The following RNF214 variants were observed in gnomAD, a reference collection of about 807,000 sequenced individuals.
RNF214 encodes the protein ring finger protein 214.
Under a neutral mutation model 75.9 loss-of-function variants are expected in RNF214, and 25 were observed. The ratio of observed to expected loss-of-function variants is 0.33; its 90% confidence interval spans 0.24 to 0.46. The LOEUF (loss-of-function observed/expected upper bound fraction) is 0.46. Among genes scored for constraint, RNF214 ranks in the 20% least tolerant of loss-of-function variants. The probability of loss-of-function intolerance (pLI) is 1.00; values close to 1 mark genes in which losing one functional copy is unlikely to be tolerated. For missense variants in RNF214, 725 were observed against 857.5 expected (o/e 0.85, Z 1.93); for synonymous variants, 314 against 308.8 (o/e 1.02, Z -0.18).
intron 6 of RNF214, among the ~76,000 whole-genome samples, chr11:117,257,104 A>G (rs1352522103): frequency 6.6e-6 from 1 of 152,166 alleles, no homozygotes; most frequent in Non-Finnish European, 1.5e-5. Flanking sequence ...TGGGAGGCCA[A>G]AGTAGGAGGA....
chr11:117,251,234 G>T (rs1426430220), intron 6 of RNF214, among the ~76,000 whole-genome samples: 4 of 36,044 alleles, frequency 1.1e-4, no homozygotes, highest in African/African-American at 2.1e-4. Flanking sequence ...GCGGCTGGCC[G>T]GGCGGGGGGC....
At chr11:117,276,358 C>G (rs1045178001) in intron 6 of RNF214, among the ~76,000 whole-genome samples, 3 of 152,126 alleles carry the variant, frequency 2.0e-5, no homozygotes, top group African/African-American at 7.2e-5. Context: ...GCTTGTAATC[C>G]CAGAGCTTTG....
chr11:117,238,528 G>A, intron 2 of RNF214, 73 bp from the exon 3 acceptor site: 1 of 1,320,248 alleles, frequency 7.6e-7, no homozygotes, highest in East Asian at 2.3e-5. Flanking sequence ...GGTTTACGTA[G>A]TCTAGTTTTG....
chr11:117,250,597 A>T (rs1036039950), intron 6 of RNF214, among the ~76,000 whole-genome samples: 8 of 59,216 alleles, frequency 1.4e-4, no homozygotes, highest in Non-Finnish European at 1.9e-4. Context: ...ATTTTTATTT[A>T]TTTATTTATT....
chr11:117,271,741 T>C (rs1358131331), intron 6 of RNF214, among the ~76,000 whole-genome samples: 1 of 152,236 alleles, frequency 6.6e-6, no homozygotes, highest in Non-Finnish European at 1.5e-5. Context: ...CATTAATTCC[T>C]TGTGAAGGGT....
chr11:117,253,474 G>A (rs564151315), intron 6 of RNF214, among the ~76,000 whole-genome samples: 90 of 152,232 alleles, frequency 5.9e-4, no homozygotes, highest in Non-Finnish European at 1.0e-3. Flanking sequence ...GTTATTGCTG[G>A]CATTAGAAAG....
At chr11:117,266,579 C>G (rs1010107714) in intron 6 of RNF214, among the ~76,000 whole-genome samples, 3 of 152,046 alleles carry the variant, frequency 2.0e-5, no homozygotes, top group African/African-American at 4.8e-5. Flanking sequence ...AGGCTGGTCT[C>G]GAATTCCTGG....
intron 1 of RNF214, among the ~76,000 whole-genome samples, 199 bp from the exon 2 acceptor site, chr11:117,234,068 G>A (rs2032827465): frequency 6.6e-6 from 1 of 152,170 alleles, no homozygotes; most frequent in Non-Finnish European, 1.5e-5. Context: ...AGTGACTCCT[G>A]AGGATTGCTG....
Position 117,279,899 on chromosome 11 carries a change from A to G in RNF214, c.960-9A>G, listed in dbSNP as rs942575539. 5.0e-6 allele frequency: 8 copies of G among 1,594,168 alleles called. No individual in the cohort carries two copies. Among genetic ancestry groups the G allele is most frequent in the African/African-American group, 1.3e-5 (1 of 74,350 alleles). On this transcript the variant is annotated splice_polypyrimidine_tract_variant and intron_variant, in intron 6 of 14. Coordinates refer to ENST00000300650, the MANE Select transcript of RNF214 (RefSeq NM_207343.4). Reference sequence around the variant, plus strand: ...TCCTTAGTCTTGTTCTTGGTTTCTTATCTTACAGAGAGGTGTGGGAAATGG... The same window carrying G: ...TCCTTAGTCTTGTTCTTGGTTTCTTGTCTTACAGAGAGGTGTGGGAAATGG...
intron 6 of RNF214, among the ~76,000 whole-genome samples, chr11:117,276,919 T>C (rs941814999): frequency 5.3e-5 from 8 of 152,366 alleles, no homozygotes; most frequent in East Asian, 1.9e-4. Flanking sequence ...CTAGATGGAT[T>C]GACTCTGTAA....
At chr11:117,251,633 AG>A (rs1324990353) in intron 6 of RNF214, among the ~76,000 whole-genome samples, 2 of 152,248 alleles carry the variant, frequency 1.3e-5, no homozygotes. Flanking sequence ...AGCAGGGGTC[AG>A]GGTAGGTATA....
intron 6 of RNF214, among the ~76,000 whole-genome samples, chr11:117,250,391 ATGT>A (rs963074559): frequency 4.6e-5 from 7 of 152,206 alleles, no homozygotes; most frequent in African/African-American, 1.2e-4. Context: ...GTATAAACCC[ATGT>A]TGTTGAAAAA....
At chr11:117,263,319 T>TCCA (rs36028331) in intron 6 of RNF214, among the ~76,000 whole-genome samples, 108,067 of 151,126 alleles carry the variant, frequency 0.72, 40,135 homozygotes, top group East Asian at 0.95. Context: ...CTCGCTGTGT[T>TCCA]GGCTGGAGTG....
chr11:117,243,704 C>T (rs974888866), intron 4 of RNF214, among the ~76,000 whole-genome samples: 1 of 151,880 alleles, frequency 6.6e-6, no homozygotes, highest in Non-Finnish European at 1.5e-5. Context: ...TTCAGAAGCA[C>T]TTCTATTTAT....
chr11:117,239,623 T>A lies in RNF214; in HGVS notation c.619-178T>A, dbSNP rs934370935. ...TGGGTTATTTTGTGGGACCGATGAT[T>A]AATGCAGCGTGGATGTTGGTGTCCG... On this transcript the variant is annotated intron_variant, in intron 3 of 14. Transcript: ENST00000300650. 13 of 604,910 alleles carry A rather than the reference T, an allele frequency of 2.1e-5. No individual in the cohort carries two copies. In the Admixed American group the frequency reaches 3.9e-4, roughly 18 times the overall value. The allele number at this position is 604,910 out of a possible 1,614,324, so 37.5% of individuals were successfully genotyped here. A position where few individuals can be genotyped will look rare whatever the true frequency, so the allele number is the denominator to read the frequency against.
intron 1 of RNF214, among the ~76,000 whole-genome samples, chr11:117,233,490 C>T (rs2032795551): frequency 1.3e-5 from 2 of 152,190 alleles, no homozygotes; most frequent in Admixed American, 6.5e-5. Flanking sequence ...TGTTCATCCC[C>T]ACCTCCCAAG....
chr11:117,235,442 T>C (rs1434775079), intron 2 of RNF214, among the ~76,000 whole-genome samples: 5 of 151,336 alleles, frequency 3.3e-5, no homozygotes, highest in East Asian at 3.9e-4. Flanking sequence ...GTGATCCGCC[T>C]GCCTCGGCCT....
chr11:117,257,922 T>G (rs1026481754), intron 6 of RNF214, among the ~76,000 whole-genome samples: 7 of 152,168 alleles, frequency 4.6e-5, no homozygotes, highest in Non-Finnish European at 8.8e-5. Context: ...ACTTCTCCCC[T>G]AATATTTTGT....
At chr11:117,261,493 T>G (rs999847012) in intron 6 of RNF214, among the ~76,000 whole-genome samples, 2 of 152,044 alleles carry the variant, frequency 1.3e-5, no homozygotes, top group Admixed American at 1.3e-4. Context: ...GCCTGGAGAA[T>G]CTCTTGAACC....
Sources: gnomAD v4.1 joint callset for allele counts (sites outside exome capture counted in the v4.1 genomes callset) on GRCh38, gnomAD v4.1.1 for gene constraint, MANE v1.5 for transcripts, NCBI Gene and HGNC (gene_info 2026-07-23, HGNC 2026-07-21) for gene names.